Variants in ADAM9 observed in about 807,000 individuals in gnomAD.
ADAM9 encodes the protein disintegrin and metalloproteinase domain-containing protein 9.
Under a neutral mutation model 108.1 loss-of-function variants are expected in ADAM9, and 54 were observed. The observed-to-expected ratio is 0.50, with a 90% CI of 0.40 to 0.63. ADAM9 has a LOEUF of 0.63. ADAM9 is among the 20% of genes least tolerant of loss of function. The pLI is 0.00. For missense variants in ADAM9, 830 were observed against 997.7 expected, an observed-to-expected ratio of 0.83 and a Z score of 2.26; for synonymous variants, 316 against 336.0, an observed-to-expected ratio of 0.94 and a Z score of 0.65.
chr8:39,027,617 G>A, intron 11 of ADAM9, among the ~76,000 whole-genome samples: 1 of 152,160 alleles, frequency 6.6e-6, no homozygotes, highest in East Asian at 1.9e-4. Flanking sequence ...AGATCCCATG[G>A]TGGTTGGGCA....
chr8:39,007,223 C>G (rs1430439038), intron 1 of ADAM9, among the ~76,000 whole-genome samples: 1 of 152,124 alleles, frequency 6.6e-6, no homozygotes, highest in Non-Finnish European at 1.5e-5. Context: ...TAACAACCAG[C>G]TCTTGAGGGA....
chr8:39,070,465 A>G (rs1440096640), intron 14 of ADAM9, among the ~76,000 whole-genome samples: 24 of 152,156 alleles, frequency 1.6e-4, no homozygotes, highest in Non-Finnish European at 2.9e-5. Flanking sequence ...TCATTCCTTC[A>G]TATGTTTCCA....
chr8:39,040,505 CTT>C (rs1209584048), intron 11 of ADAM9, among the ~76,000 whole-genome samples: 1 of 152,066 alleles, frequency 6.6e-6, no homozygotes, highest in Non-Finnish European at 1.5e-5. Context: ...CTATTTAAGT[CTT>C]TTGTTCATTT....
At chr8:39,076,392 A>G (rs1838850073) in intron 15 of ADAM9, 1 of 152,250 alleles carries the variant, frequency 6.6e-6, no homozygotes, top group Non-Finnish European at 1.5e-5. Flanking sequence ...TAAATGCTTT[A>G]CAGATGTAGA....
chr8:39,060,620 C>T (rs1399773374), intron 14 of ADAM9, among the ~76,000 whole-genome samples: 2 of 152,192 alleles, frequency 1.3e-5, no homozygotes, highest in Non-Finnish European at 2.9e-5. Context: ...GTAGAAGGCA[C>T]CTGAATTTTT....
chr8:39,032,138 TGAG>T (rs1180722400), intron 11 of ADAM9, among the ~76,000 whole-genome samples: 1 of 152,242 alleles, frequency 6.6e-6, no homozygotes, highest in Non-Finnish European at 1.5e-5. Flanking sequence ...GGGACCCACT[TGAG>T]GAGGCAGTCT....
intron 16 of ADAM9, among the ~76,000 whole-genome samples, chr8:39,077,772 T>G (rs555363082): frequency 1.3e-5 from 2 of 152,322 alleles, no homozygotes; most frequent in South Asian, 2.1e-4. Flanking sequence ...CTGCCCATGT[T>G]CCTGACCACC....
rs763594099 is a variant in ADAM9 at position 38,997,089 on chromosome 8, C to T, written c.26C>T (p.Ser9Leu). The change falls in exon 1 of 22, where the codon TCG becomes TTG. Residue 9 changes from serine (S) to leucine (L), a missense_variant. Transcript: ENST00000487273. ...ATGGGGTCTGGCGCGCGCTTTCCCT[C>T]GGGGACCCTTCGTGTCCGGTGGTTG... Reference protein sequence around the residue: MGSGARFPSGTLRVRWLLL... With the variant: MGSGARFPLGTLRVRWLLL... 4 of 1,607,512 alleles carry T rather than the reference C, an allele frequency of 2.5e-6. No homozygotes were observed. In the Admixed American group the frequency reaches 5.0e-5, roughly 20 times the overall value.
At chr8:39,030,715 A>G (rs1837070627) in intron 11 of ADAM9, among the ~76,000 whole-genome samples, 1 of 152,212 alleles carries the variant, frequency 6.6e-6, no homozygotes, top group African/African-American at 2.4e-5. Flanking sequence ...ATTCCCACCA[A>G]CAGTGAATGA....
intron 12 of ADAM9, among the ~76,000 whole-genome samples, chr8:39,048,265 G>T (rs1444888969): frequency 6.6e-6 from 1 of 151,892 alleles, no homozygotes; most frequent in Non-Finnish European, 1.5e-5. Flanking sequence ...TGTGTTTTTT[G>T]TTTGTCCAAA....
intron 10 of ADAM9, 29 bp from the exon 11 acceptor site, chr8:39,026,647 AC>A (rs1564263822): frequency 1.2e-6 from 2 of 1,614,072 alleles, no homozygotes; most frequent in African/African-American, 2.7e-5. Flanking sequence ...GCGTTCAGAA[AC>A]CTAATTACTA....
chr8:39,091,358 A>G lies in ADAM9; in HGVS notation c.2298+12A>G. On this transcript the variant is annotated intron_variant, in intron 20 of 21. Transcript: ENST00000487273. ...CTCCCAGAGAAGTTGTAAGTATAAA[A>G]TGAAAAATTATTTTTCTTTACTGTA... is the stretch of plus-strand genomic sequence containing the variant. 1 of 1,607,032 alleles carries G rather than the reference A, an allele frequency of 6.2e-7. No homozygotes were observed. The highest frequency in any genetic ancestry group is 2.2e-5 in the East Asian group (1 of 44,816).
At chr8:38,998,737 G>A (rs987509721) in intron 1 of ADAM9, among the ~76,000 whole-genome samples, 3 of 152,200 alleles carry the variant, frequency 2.0e-5, no homozygotes, top group African/African-American at 7.2e-5. Context: ...ATTCTAAGCA[G>A]AGGAAAGTTT....
At chr8:39,020,673 T>C (rs183272337) in intron 7 of ADAM9, among the ~76,000 whole-genome samples, 1 of 152,358 alleles carries the variant, frequency 6.6e-6, no homozygotes, top group Admixed American at 6.5e-5. Context: ...TCTCTCATTT[T>C]TAATTCAGCC....
chr8:39,002,608 A>C (rs536244669), intron 1 of ADAM9, among the ~76,000 whole-genome samples: 1 of 152,100 alleles, frequency 6.6e-6, no homozygotes, highest in South Asian at 2.1e-4. Flanking sequence ...GGCTTGAGCC[A>C]CTGTGCCCGG....
intron 20 of ADAM9, among the ~76,000 whole-genome samples, chr8:39,099,235 T>A (rs1839607053): frequency 6.6e-6 from 1 of 152,160 alleles, no homozygotes; most frequent in African/African-American, 2.4e-5. Flanking sequence ...CCTTTATCTA[T>A]GGGTCACTGA....
chr8:39,028,946 TC>T (rs35989465), intron 11 of ADAM9, among the ~76,000 whole-genome samples: 9 of 152,090 alleles, frequency 5.9e-5, no homozygotes, highest in African/African-American at 1.9e-4. Flanking sequence ...TTAAAACCAC[TC>T]CCCTAAAGTC....
intron 2 of ADAM9, 109 bp downstream of exon 2, chr8:39,008,092 T>TATTCTAAGTAACAGCCAA: frequency 1.2e-6 from 1 of 816,334 alleles, no homozygotes; most frequent in Non-Finnish European, 2.0e-6. Flanking sequence ...ATTACTTGGC[T>TATTCTAAGTAACAGCCAA]GTTACTTAGA....
At chr8:39,026,431 A>G (rs1288952360) in intron 10 of ADAM9, among the ~76,000 whole-genome samples, 4 of 152,208 alleles carry the variant, frequency 2.6e-5, no homozygotes, top group Non-Finnish European at 4.4e-5. Context: ...ATAAACTACC[A>G]TAAGTAATCT....
Sources: gnomAD v4.1 joint callset for allele counts (sites outside exome capture counted in the v4.1 genomes callset) on GRCh38, gnomAD v4.1.1 for gene constraint, MANE v1.5 for transcripts, NCBI Gene and HGNC (gene_info 2026-07-23, HGNC 2026-07-21) for gene names.